The following PRKCH variants were observed in gnomAD, a reference collection of about 807,000 sequenced individuals.
PRKCH encodes the protein protein kinase C eta type.
A neutral mutation model predicts 82.5 loss-of-function variants in PRKCH; 28 were observed. The ratio of observed to expected loss-of-function variants is 0.34; its 90% CI spans 0.25 to 0.47. The LOEUF (loss-of-function observed/expected upper bound fraction) is 0.47, where lower values mean the gene tolerates loss of function less well. Ranked by LOEUF, PRKCH falls within the 20% of genes least tolerant of loss-of-function variation. The pLI is 1.00. For missense variants in PRKCH, 705 were observed against 881.8 expected (o/e 0.80, Z 2.54); for synonymous variants, 322 against 327.4 (o/e 0.98, Z 0.18).
intron 3 of PRKCH, among the ~76,000 whole-genome samples, chr14:61,444,501 A>G (rs1224507300): frequency 6.8e-6 from 1 of 148,022 alleles, no homozygotes. Flanking sequence ...CTGAACTGAC[A>G]TTCATAATGG....
chr14:61,206,421 C>T (rs1046618196), intron 1 of PRKCH, among the ~76,000 whole-genome samples: 3 of 152,202 alleles, frequency 2.0e-5, no homozygotes, highest in African/African-American at 7.2e-5. Flanking sequence ...TTATAGGAAA[C>T]CAATCATTGG....
chr14:61,504,763 G>A (rs1458945933), intron 10 of PRKCH, among the ~76,000 whole-genome samples: 1 of 152,068 alleles, frequency 6.6e-6, no homozygotes, highest in Non-Finnish European at 1.5e-5. Flanking sequence ...AGACACACTG[G>A]GGGAAATTGC....
chr14:61,355,156 A>G (rs1349532058), intron 1 of PRKCH, among the ~76,000 whole-genome samples: 2 of 152,212 alleles, frequency 1.3e-5, no homozygotes, highest in African/African-American at 2.4e-5. Flanking sequence ...ATTCAATTCC[A>G]GCAAGTCATT....
At chr14:61,208,661 C>T (rs1267554585) in intron 1 of PRKCH, among the ~76,000 whole-genome samples, 1 of 152,142 alleles carries the variant, frequency 6.6e-6, no homozygotes, top group Admixed American at 6.6e-5. Flanking sequence ...CAGGCATTTT[C>T]TATAGCTTAA....
intron 10 of PRKCH, among the ~76,000 whole-genome samples, chr14:61,522,501 C>T (rs921426598): frequency 1.3e-5 from 2 of 152,142 alleles, no homozygotes; most frequent in Non-Finnish European, 2.9e-5. Flanking sequence ...CTTGACTGAA[C>T]CCCCTCACCT....
rs146601342 is a variant in PRKCH, at chr14:61,541,619, C to T, written c.1762-6124C>T. Among the ~76,000 whole-genome samples the T allele has an allele frequency of 2.3e-3, 353 of 152,308 alleles. 5 individuals are homozygous for T. The East Asian group carries it at 0.03, about 13-fold the overall frequency. ...CCAACAGCCACATCCAACCATTAGG[C>T]AGAAAATACAGTGTTCTCTGGCTCC... On this transcript the variant is annotated intron_variant, in intron 12 of 13. Coordinates refer to ENST00000332981, the MANE Select transcript of PRKCH (RefSeq NM_006255.5).
intron 1 of PRKCH, among the ~76,000 whole-genome samples, chr14:61,334,337 G>A (rs187412139): frequency 6.6e-6 from 1 of 152,204 alleles, no homozygotes; most frequent in Non-Finnish European, 1.5e-5. Flanking sequence ...GCACGATGAA[G>A]AAAATGACAA....
At chr14:61,439,835 GTT>G (rs1336281852) in intron 2 of PRKCH, among the ~76,000 whole-genome samples, 1 of 152,184 alleles carries the variant, frequency 6.6e-6, no homozygotes, top group African/African-American at 2.4e-5. Flanking sequence ...TTGGCATGCA[GTT>G]TTTTCCTAAA....
At chr14:61,521,118 A>G (rs1277268565) in intron 10 of PRKCH, among the ~76,000 whole-genome samples, 1 of 152,234 alleles carries the variant, frequency 6.6e-6, no homozygotes, top group Admixed American at 6.5e-5. Flanking sequence ...TTTACTGTAT[A>G]ATATTGTGTT....
intron 12 of PRKCH, among the ~76,000 whole-genome samples, chr14:61,531,489 T>C (rs899199518): frequency 5.3e-5 from 8 of 152,218 alleles, no homozygotes; most frequent in Non-Finnish European, 1.2e-4. Context: ...TGCTATCTTG[T>C]TGAAAGACTT....
At chr14:61,546,755 C>T (rs2043262692) in intron 12 of PRKCH, among the ~76,000 whole-genome samples, 1 of 152,102 alleles carries the variant, frequency 6.6e-6, no homozygotes, top group African/African-American at 2.4e-5. Flanking sequence ...TAAAGATAAC[C>T]TGATTTAAAT....
At chr14:61,486,069 A>G (rs1478907890) in intron 10 of PRKCH, among the ~76,000 whole-genome samples, 1 of 152,228 alleles carries the variant, frequency 6.6e-6, no homozygotes, top group Non-Finnish European at 1.5e-5. Context: ...CTTTGTATTC[A>G]TAAAATAGGC....
intron 1 of PRKCH, among the ~76,000 whole-genome samples, chr14:61,346,096 A>T (rs1311618484): frequency 1.3e-5 from 2 of 152,180 alleles, no homozygotes; most frequent in Non-Finnish European, 2.9e-5. Context: ...GGTAGCAGGG[A>T]CACTTTACAT....
At chr14:61,376,256 T>C (rs951761953) in intron 1 of PRKCH, among the ~76,000 whole-genome samples, 2 of 152,178 alleles carry the variant, frequency 1.3e-5, no homozygotes, top group African/African-American at 4.8e-5. Flanking sequence ...TTTTGCTGGT[T>C]CTGCTTTCTC....
At chr14:61,328,972 C>G (rs1269278227) in intron 1 of PRKCH, among the ~76,000 whole-genome samples, 1 of 146,688 alleles carries the variant, frequency 6.8e-6, no homozygotes, top group African/African-American at 2.5e-5. Context: ...AATGACAGAG[C>G]AAAACCCTGT....
chr14:61,309,479 G>T (rs1161273010), intron 1 of PRKCH, among the ~76,000 whole-genome samples: 1 of 152,166 alleles, frequency 6.6e-6, no homozygotes, highest in East Asian at 1.9e-4. Context: ...ATACAATGCT[G>T]CAGGGCTTTG....
At chr14:61,268,009 A>G (rs533196064) in intron 1 of PRKCH, among the ~76,000 whole-genome samples, 3 of 152,274 alleles carry the variant, frequency 2.0e-5, no homozygotes, top group Admixed American at 6.5e-5. Flanking sequence ...ACTAAGCTTT[A>G]TTTTTGCTAA....
chr14:61,332,319 C>G (rs929830136), intron 1 of PRKCH, among the ~76,000 whole-genome samples: 9 of 152,200 alleles, frequency 5.9e-5, no homozygotes, highest in Non-Finnish European at 5.9e-5. Flanking sequence ...TGTTGAGAAT[C>G]ATGGTCCTAT....
At chr14:61,469,243 A>C (rs545247118) in intron 9 of PRKCH, among the ~76,000 whole-genome samples, 104 of 152,360 alleles carry the variant, frequency 6.8e-4, no homozygotes, top group African/African-American at 2.4e-3. Flanking sequence ...GGCTAGAAAC[A>C]GTTTTTTAAA....
Sources: allele counts gnomAD v4.1 joint callset (sites outside exome capture counted in the v4.1 genomes callset), GRCh38; gene constraint gnomAD v4.1.1; transcripts MANE v1.5; gene names NCBI Gene and HGNC (gene_info 2026-07-23, HGNC 2026-07-21).